The following CDH18 variants were observed in gnomAD, a reference collection of about 807,000 sequenced individuals.
CDH18 encodes the protein cadherin 18.
A neutral mutation model predicts 67.9 loss-of-function variants in CDH18; 31 were observed. The ratio of observed to expected loss-of-function variants is 0.46; its 90% CI spans 0.34 to 0.62. The LOEUF (loss-of-function observed/expected upper bound fraction) is 0.62. Among genes scored for constraint, CDH18 ranks in the 20% least tolerant of loss-of-function variants. The probability of loss-of-function intolerance (pLI) is 0.01; values close to 1 mark genes in which losing one functional copy is unlikely to be tolerated. For missense variants in CDH18, 890 were observed against 975.5 expected, an observed-to-expected ratio of 0.91 and a Z score of 1.17; for synonymous variants, 362 against 347.2, an observed-to-expected ratio of 1.04 and a Z score of -0.48.
At chr5:20,027,667 T>C (rs143741449) in intron 2 of CDH18, among the ~76,000 whole-genome samples, 1 of 152,338 alleles carries the variant, frequency 6.6e-6, no homozygotes, top group East Asian at 1.9e-4. Context: ...CTACAGTAAG[T>C]TTGAGACTTT....
At chr5:20,425,303 G>A (rs1189318281) in intron 1 of CDH18, among the ~76,000 whole-genome samples, 2 of 150,726 alleles carry the variant, frequency 1.3e-5, no homozygotes, top group African/African-American at 5.0e-5. Flanking sequence ...CATGGGAGGT[G>A]GAGGTTGCAG....
chr5:20,202,016 A>G (rs762529724), intron 2 of CDH18, among the ~76,000 whole-genome samples: 8 of 152,200 alleles, frequency 5.3e-5, no homozygotes, highest in Non-Finnish European at 1.2e-4. Flanking sequence ...GTATGATACT[A>G]AAATATTCTC....
intron 2 of CDH18, among the ~76,000 whole-genome samples, chr5:20,186,396 G>T (rs1278721308): frequency 6.6e-6 from 1 of 151,904 alleles, no homozygotes; most frequent in Non-Finnish European, 1.5e-5. Flanking sequence ...TGGCAAGGGA[G>T]TAGTATCCAG....
intron 2 of CDH18, among the ~76,000 whole-genome samples, chr5:20,040,007 AAAAC>A (rs746234357): frequency 4.6e-5 from 7 of 152,184 alleles, no homozygotes; most frequent in African/African-American, 7.2e-5. Context: ...ACAAGGTAGA[AAAAC>A]AAACAAATCC....
rs375260903 is a variant in CDH18 at position 19,650,616 on chromosome 5, T to C, written c.644-38015A>G. ...CAAGCAAGCGAAGCATATTTTCTCA[T>C]GCCAATCCCTGTACAGGTGTATTTT... On this transcript the variant is annotated intron_variant, in intron 5 of 12. Coordinates refer to ENST00000382275, the MANE Select transcript of CDH18 (RefSeq NM_004934.5). Among the ~76,000 whole-genome samples the C allele has an allele frequency of 2.6e-5, 4 of 152,030 alleles. No homozygotes were observed. The East Asian group carries it at 5.8e-4, about 22-fold the overall frequency.
At chr5:20,440,462 G>A (rs1236432455) in intron 1 of CDH18, among the ~76,000 whole-genome samples, 1 of 151,776 alleles carries the variant, frequency 6.6e-6, no homozygotes, top group East Asian at 1.9e-4. Flanking sequence ...TGCCTAAAAT[G>A]TATGCAATAG....
chr5:20,265,810 G>A (rs1434626037), intron 1 of CDH18, among the ~76,000 whole-genome samples: 1 of 152,186 alleles, frequency 6.6e-6, no homozygotes, highest in Non-Finnish European at 1.5e-5. Flanking sequence ...ACTGGACTAT[G>A]AGATGCTCTG....
intron 2 of CDH18, among the ~76,000 whole-genome samples, chr5:19,955,995 T>C (rs1796221807): frequency 6.6e-6 from 1 of 152,046 alleles, no homozygotes; most frequent in African/African-American, 2.4e-5. Context: ...TCCCCCAAAG[T>C]ATCAAATTAT....
intron 1 of CDH18, among the ~76,000 whole-genome samples, chr5:20,534,234 T>A (rs913452755): frequency 6.6e-6 from 1 of 152,014 alleles, no homozygotes; most frequent in African/African-American, 2.4e-5. Context: ...TTAATACTAG[T>A]TTTTACAAAC....
chr5:19,970,569 G>T (rs1273163574), intron 2 of CDH18, among the ~76,000 whole-genome samples: 1 of 151,396 alleles, frequency 6.6e-6, no homozygotes, highest in East Asian at 1.9e-4. Flanking sequence ...AACTATTACT[G>T]TATTACGTTT....
At chr5:20,269,090 T>A (rs574335829) in intron 1 of CDH18, among the ~76,000 whole-genome samples, 45 of 152,236 alleles carry the variant, frequency 3.0e-4, no homozygotes, top group African/African-American at 1.0e-3. Context: ...AGATATTTTT[T>A]AAAAGAAGAT....
chr5:19,714,452 C>A (rs2030270293), intron 5 of CDH18, among the ~76,000 whole-genome samples: 1 of 151,692 alleles, frequency 6.6e-6, no homozygotes, highest in Non-Finnish European at 1.5e-5. Flanking sequence ...GTTGTCCTCA[C>A]ACAATCTGCT....
rs775835944 is a variant in CDH18, at chr5:20,095,589, G to GAAGAAAGAAAGA, written c.-517-103576_-517-103575insTCTTTCTTTCTT. Among the ~76,000 whole-genome samples the GAAGAAAGAAAGA allele has an allele frequency of 2.0e-3, 290 of 141,846 alleles. 3 individuals are homozygous for GAAGAAAGAAAGA. In the Middle Eastern group the frequency reaches 0.022, roughly 11 times the overall value. The allele number at this position is 141,846 out of a possible 152,430, so 93.1% of individuals were successfully genotyped here. A position where few individuals can be genotyped will look rare whatever the true frequency, so the allele number is the denominator to read the frequency against. On this transcript the variant is annotated intron_variant, in intron 2 of 14. Transcript: ENST00000507958. Reference sequence around the variant, plus strand: ...GAAAGAAAGGAAGAAAGGAAGAAAGGAAGAAAGAAGAAAGAAAGAAAAGAA... The same window carrying GAAGAAAGAAAGA: ...GAAAGAAAGGAAGAAAGGAAGAAAGGAAGAAAGAAAGAAAGAAAGAAGAAAGAAAGAAAAGAA...
chr5:19,643,843 C>T (rs1754371397), intron 5 of CDH18, among the ~76,000 whole-genome samples: 1 of 152,118 alleles, frequency 6.6e-6, no homozygotes, highest in Non-Finnish European at 1.5e-5. Flanking sequence ...TCAACACACA[C>T]AAACACAAAC....
chr5:20,328,492 TGTGTGTGTGTGTGTGTGAGA>T (rs1228055055), intron 1 of CDH18, among the ~76,000 whole-genome samples: 1 of 151,078 alleles, frequency 6.6e-6, no homozygotes, highest in East Asian at 1.9e-4. Flanking sequence ...TGTGTGTGTG[TGTGTGTGTGTGTGTGTGAGA>T]GAGAGAGAGA....
At chr5:20,067,136 T>C (rs773363557) in intron 2 of CDH18, among the ~76,000 whole-genome samples, 16 of 151,966 alleles carry the variant, frequency 1.1e-4, no homozygotes, top group Non-Finnish European at 2.4e-4. Flanking sequence ...GGGAAGGATG[T>C]ATGTGGTTTA....
chr5:19,924,918 A>G (rs1792925788), intron 2 of CDH18, among the ~76,000 whole-genome samples: 1 of 152,142 alleles, frequency 6.6e-6, no homozygotes, highest in African/African-American at 2.4e-5. Flanking sequence ...TTAAAATACA[A>G]TTGACCCTTG....
intron 1 of CDH18, among the ~76,000 whole-genome samples, chr5:20,425,249 C>G (rs1748204621): frequency 6.6e-6 from 1 of 150,402 alleles, no homozygotes; most frequent in Non-Finnish European, 1.5e-5. Flanking sequence ...TGCCTGTAAT[C>G]CCAGTTACTC....
chr5:20,247,903 T>TGGAA (rs1743510420), intron 2 of CDH18, among the ~76,000 whole-genome samples: 1 of 152,268 alleles, frequency 6.6e-6, no homozygotes, highest in African/African-American at 2.4e-5. Context: ...TTAATTAAAG[T>TGGAA]GGAAGATCAC....
Sources: gnomAD v4.1 joint callset for allele counts (sites outside exome capture counted in the v4.1 genomes callset) on GRCh38, gnomAD v4.1.1 for gene constraint, MANE v1.5 for transcripts, NCBI Gene and HGNC (gene_info 2026-07-23, HGNC 2026-07-21) for gene names.